Variants in TULP3 observed in about 807,000 individuals in gnomAD.
The protein encoded by TULP3 is TUB like protein 3, also known as tubby-related protein 3.
In TULP3, 38 loss-of-function variants were observed where a neutral mutation model predicts 50.7. That is an observed-to-expected ratio of 0.75 (90% confidence interval 0.58 to 0.98). The LOEUF is 0.98. TULP3 is among the 50% of genes least tolerant of loss of function. The pLI is 0.00. For synonymous variants in TULP3, 183 were observed against 196.6 expected, an observed-to-expected ratio of 0.93 and a Z score of 0.58; for missense variants, 550 against 568.0, an observed-to-expected ratio of 0.97 and a Z score of 0.32.
chr12:2,926,566 C>A (rs577092147), intron 4 of TULP3, among the ~76,000 whole-genome samples: 1 of 152,178 alleles, frequency 6.6e-6, no homozygotes, highest in Non-Finnish European at 1.5e-5. Context: ...AGTAACAACT[C>A]TTTTGAGATA....
chr12:2,895,588 G>C (rs569746077), intron 1 of TULP3, among the ~76,000 whole-genome samples: 15 of 152,298 alleles, frequency 9.8e-5, no homozygotes, highest in African/African-American at 3.6e-4. Context: ...GAACCTATTT[G>C]TCAATTGAGT....
intron 1 of TULP3, among the ~76,000 whole-genome samples, chr12:2,893,368 G>A (rs570053326): frequency 2.2e-5 from 3 of 135,284 alleles, no homozygotes; most frequent in Admixed American, 8.2e-5. Context: ...CGCTCTCGTC[G>A]CCCAGGCTGG....
In TULP3 at chr12:2,940,466, G is replaced by GT. The variant is rs1591541094; in HGVS notation, c.*1029dup. 7 of 1,485,642 alleles carry GT rather than the reference G, an allele frequency of 4.7e-6. No homozygotes were observed. Among genetic ancestry groups the GT allele is most frequent in the South Asian group, 1.4e-5 (1 of 72,336 alleles). 92.0% of individuals were successfully genotyped at this position (1,485,642 alleles called of 1,614,324 possible). On this transcript the variant is annotated 3_prime_UTR_variant, in exon 11 of 11. Coordinates refer to ENST00000448120, the MANE Select transcript of TULP3 (RefSeq NM_003324.5). ...TCAGGCACAGAAGGTGTTTTGCTAC[G>GT]TTTTTTTGATTATTACACCCCTCCA... is the stretch of plus-strand genomic sequence containing the variant.
In TULP3 at chr12:2,932,905, A is replaced by G. The variant is rs143126280; in HGVS notation, c.697-513A>G. Reference sequence around the variant, plus strand: ...AAGCTAGTGAATTTAGAAAAACTGTATAGGAAGAAAACCCTGATAGTGAAT... The same window carrying G: ...AAGCTAGTGAATTTAGAAAAACTGTGTAGGAAGAAAACCCTGATAGTGAAT... On this transcript the variant is annotated intron_variant, in intron 6 of 10. Transcript: ENST00000448120. Among the ~76,000 whole-genome samples the G allele has an allele frequency of 5.2e-3, 786 of 152,004 alleles. 5 individuals are homozygous for G. Among genetic ancestry groups the G allele is most frequent in the African/African-American group, 0.018 (729 of 41,494 alleles).
At chr12:2,907,769 G>C (rs2098183193) in intron 1 of TULP3, among the ~76,000 whole-genome samples, 1 of 151,476 alleles carries the variant, frequency 6.6e-6, no homozygotes, top group Non-Finnish European at 1.5e-5. Flanking sequence ...TTTTAAATTT[G>C]GGATTTAAAA....
chr12:2,891,052 G>A (rs537305889), intron 1 of TULP3, 64 bp downstream of exon 1: 2 of 1,463,590 alleles, frequency 1.4e-6, no homozygotes, highest in African/African-American at 2.8e-5. Flanking sequence ...AGAAGGCGGA[G>A]GTCCTCTCCG....
intron 1 of TULP3, among the ~76,000 whole-genome samples, chr12:2,899,174 T>C (rs898807399): frequency 5.9e-5 from 9 of 151,724 alleles, no homozygotes; most frequent in Non-Finnish European, 8.8e-5. Context: ...GGAGAAACCA[T>C]GTATCTACTA....
At chr12:2,914,448 A>G (rs2098187466) in intron 2 of TULP3, among the ~76,000 whole-genome samples, 2 of 151,886 alleles carry the variant, frequency 1.3e-5, no homozygotes, top group Non-Finnish European at 2.9e-5. Flanking sequence ...AACTATAGTC[A>G]CCCTCTTGTG....
intron 1 of TULP3, among the ~76,000 whole-genome samples, chr12:2,906,058 T>C (rs1168851794): frequency 1.4e-5 from 2 of 142,168 alleles, no homozygotes; most frequent in Non-Finnish European, 3.1e-5. Flanking sequence ...TGAGAGAGAG[T>C]CTTGCACTGT....
intron 5 of TULP3, 104 bp from the exon 6 acceptor site, chr12:2,930,933 G>A (rs1288377216): frequency 8.1e-7 from 1 of 1,233,476 alleles, no homozygotes. Flanking sequence ...GAAGACTGAA[G>A]ACACGGGTAA....
intron 4 of TULP3, among the ~76,000 whole-genome samples, chr12:2,926,336 CA>C (rs1190030322): frequency 6.6e-6 from 1 of 151,952 alleles, no homozygotes; most frequent in Non-Finnish European, 1.5e-5. Flanking sequence ...CCCATCTCTA[CA>C]AAAAAATTAC....
intron 4 of TULP3, among the ~76,000 whole-genome samples, chr12:2,929,168 T>C (rs2030217519): frequency 6.6e-6 from 1 of 151,782 alleles, no homozygotes; most frequent in Admixed American, 6.6e-5. Context: ...AATACAAAAA[T>C]TAGCCGGGCA....
At position 2,906,261 on chromosome 12, in the gene TULP3, ACCTCGTGATCCGCTGG is replaced by A. The variant is rs376389889; in HGVS notation, c.42-3262_42-3247del. Reference sequence around the variant, plus strand: ...TGGCCAGACTGCTCTTGAACTCCTGACCTCGTGATCCGCTGGCCTCGGCCTCCAAAAGTGCTGGGAA... The same window carrying A: ...TGGCCAGACTGCTCTTGAACTCCTGACCTCGGCCTCCAAAAGTGCTGGGAA... On this transcript the variant is annotated intron_variant, in intron 1 of 10. Coordinates refer to ENST00000448120, the MANE Select transcript of TULP3 (RefSeq NM_003324.5). 8.0e-3 allele frequency among the ~76,000 whole-genome samples: 1,195 copies of A among 150,040 alleles called. 18 individuals are homozygous for A. Among genetic ancestry groups the A allele is most frequent in the African/African-American group, 0.028 (1,133 of 40,720 alleles).
At chr12:2,903,431 G>A (rs2153948248) in intron 1 of TULP3, among the ~76,000 whole-genome samples, 1 of 151,430 alleles carries the variant, frequency 6.6e-6, no homozygotes, top group East Asian at 2.0e-4. Context: ...GCGTGGTGGT[G>A]CATGCCTTTA....
In TULP3 at chr12:2,938,244, A is replaced by G. The variant is rs757253951; in HGVS notation, c.1154A>G (p.Gln385Arg). 1 of 1,614,134 alleles carries G rather than the reference A, an allele frequency of 6.2e-7. No individual in the cohort carries two copies. Among genetic ancestry groups the G allele is most frequent in the South Asian group, 1.1e-5 (1 of 91,076 alleles). The change falls in exon 10 of 11, where the codon CAG (glutamine) becomes CGG (arginine). Residue 385 changes from glutamine (Q) to arginine (R), a missense_variant. By Grantham distance (43) the Gln-to-Arg change is conservative (BLOSUM62 1). Coordinates refer to ENST00000448120, the MANE Select transcript of TULP3 (RefSeq NM_003324.5). ...CTCAACTTCCGTGGCCGGGTCACTC[A>G]GGCGTCTGTGAAGAACTTCCAGATA... ...YVLNFRGRVT[Q>R]ASVKNFQIVH...
chr12:2,914,834 T>C lies in TULP3; in HGVS notation c.93+5254T>C, dbSNP rs146219071. On this transcript the variant is annotated intron_variant, in intron 2 of 10. Transcript: ENST00000448120. The stretch of plus-strand genomic sequence containing the variant: ...TTTTCGTAGAGATGGAGTTTCACCA[T>C]GTTGGCTAGGCTGGTCTTGAACTCC... Among the ~76,000 whole-genome samples the C allele has an allele frequency of 1.2e-3, 181 of 152,088 alleles. 1 individual carries two copies. Among genetic ancestry groups the C allele is most frequent in the Middle Eastern group, 0.01 (3 of 292 alleles).
intron 4 of TULP3, among the ~76,000 whole-genome samples, chr12:2,926,941 A>G (rs1257227322): frequency 6.6e-6 from 1 of 152,146 alleles, no homozygotes. Context: ...TTTTCAGTAC[A>G]GAGTTCTACA....
At chr12:2,938,061 A>C in intron 9 of TULP3, 53 bp from the exon 10 acceptor site, 6 of 1,597,068 alleles carry the variant, frequency 3.8e-6, no homozygotes, top group Non-Finnish European at 4.3e-6. Context: ...TCTACCTTCT[A>C]CCTCGTAGAG....
intron 1 of TULP3, among the ~76,000 whole-genome samples, chr12:2,908,154 A>G (rs372545983): frequency 5.3e-5 from 8 of 152,228 alleles, no homozygotes; most frequent in South Asian, 2.1e-4. Context: ...ATAGTGGCAC[A>G]CCATTAAGCC....
Sources: gnomAD v4.1 joint callset for allele counts (sites outside exome capture counted in the v4.1 genomes callset) on GRCh38, gnomAD v4.1.1 for gene constraint, MANE v1.5 for transcripts, NCBI Gene and HGNC (gene_info 2026-07-23, HGNC 2026-07-21) for gene names.